Variants in CYP7B1 observed in about 807,000 individuals in gnomAD.
The protein encoded by CYP7B1 is cytochrome P450 7B1.
In CYP7B1, 29 loss-of-function variants were observed where a neutral mutation model predicts 42.7. The ratio of observed to expected loss-of-function variants is 0.68; its 90% CI spans 0.51 to 0.93. The LOEUF is 0.93. Among genes scored for constraint, CYP7B1 ranks in the 40% least tolerant of loss-of-function variants. The pLI, the probability that CYP7B1 is intolerant of heterozygous loss-of-function variation, is 0.00. For synonymous variants in CYP7B1, 235 were observed against 218.2 expected, an observed-to-expected ratio of 1.08 and a Z score of -0.68; for missense variants, 655 against 600.5, an observed-to-expected ratio of 1.09 and a Z score of -0.95.
intron 1 of CYP7B1, among the ~76,000 whole-genome samples, chr8:64,709,024 T>A (rs1451040631): frequency 6.6e-6 from 1 of 152,206 alleles, no homozygotes; most frequent in Admixed American, 6.5e-5. Flanking sequence ...GCAACAGTGA[T>A]CTGACAGGCA....
chr8:64,755,653 C>G (rs1214803080), intron 1 of CYP7B1, among the ~76,000 whole-genome samples: 1 of 151,948 alleles, frequency 6.6e-6, no homozygotes, highest in Non-Finnish European at 1.5e-5. Context: ...AAATTTTTTT[C>G]TGTACAAAGC....
chr8:64,767,804 A>G (rs1030327017), intron 1 of CYP7B1, among the ~76,000 whole-genome samples: 1 of 152,162 alleles, frequency 6.6e-6, no homozygotes, highest in Non-Finnish European at 1.5e-5. Context: ...AAAACTACAA[A>G]TCGTTCTTCA....
intron 1 of CYP7B1, among the ~76,000 whole-genome samples, chr8:64,747,262 A>C (rs1807657775): frequency 6.8e-6 from 1 of 148,140 alleles, no homozygotes; most frequent in Admixed American, 6.8e-5. Context: ...ACGTAGTATA[A>C]GTCATATAGT....
intron 1 of CYP7B1, among the ~76,000 whole-genome samples, chr8:64,769,246 T>A (rs1804175267): frequency 6.6e-6 from 1 of 152,206 alleles, no homozygotes. Context: ...CATGCCTTGA[T>A]GAAAACATCA....
chr8:64,796,768 C>G (rs1804708527), intron 1 of CYP7B1, among the ~76,000 whole-genome samples: 1 of 152,106 alleles, frequency 6.6e-6, no homozygotes, highest in South Asian at 2.1e-4. Flanking sequence ...ATATAAGGTG[C>G]AACACAGGGT....
intron 1 of CYP7B1, among the ~76,000 whole-genome samples, chr8:64,652,893 C>G (rs1349271649): frequency 6.6e-6 from 1 of 151,950 alleles, no homozygotes; most frequent in African/African-American, 2.4e-5. Flanking sequence ...CAACAACATG[C>G]TCCCTTTTGG....
At chr8:64,606,657 A>C (rs1166872568) in intron 4 of CYP7B1, among the ~76,000 whole-genome samples, 1 of 152,206 alleles carries the variant, frequency 6.6e-6, no homozygotes, top group African/African-American at 2.4e-5. Flanking sequence ...GTAGAAGTTA[A>C]TCACAATAAT....
chr8:64,616,398 A>G, intron 2 of CYP7B1, 117 bp from the exon 3 acceptor site: 1 of 713,672 alleles, frequency 1.4e-6, no homozygotes, highest in South Asian at 1.7e-5. Flanking sequence ...AACTAAGGCA[A>G]AAAGTTTAAT....
intron 1 of CYP7B1, among the ~76,000 whole-genome samples, chr8:64,655,455 T>C (rs1806107709): frequency 6.6e-6 from 1 of 151,976 alleles, no homozygotes; most frequent in Admixed American, 6.6e-5. Flanking sequence ...GAAATGAAAA[T>C]CAAAACCGCA....
chr8:64,651,278 A>G (rs1806034320), intron 1 of CYP7B1, among the ~76,000 whole-genome samples: 1 of 152,262 alleles, frequency 6.6e-6, no homozygotes, highest in Non-Finnish European at 1.5e-5. Context: ...GCAGAACTGC[A>G]TGATACACAG....
intron 1 of CYP7B1, among the ~76,000 whole-genome samples, chr8:64,752,395 CGT>C (rs5891973): frequency 0.028 from 4,085 of 147,878 alleles, 60 homozygotes; most frequent in Middle Eastern, 0.035. Context: ...TGTGCATGTG[CGT>C]GTGTGTGTGT....
intron 1 of CYP7B1, among the ~76,000 whole-genome samples, chr8:64,778,174 A>AATATATATATATATATATATATAT (rs60859854): frequency 2.6e-4 from 34 of 133,234 alleles, no homozygotes; most frequent in African/African-American, 7.1e-4. Flanking sequence ...ACTAGTTTGA[A>AATATATATATATATATATATATAT]ATATATATAT....
Position 64,622,138 on chromosome 8 carries a change from A to ATGCATAAAATGCATTATTTGCATAATAC in CYP7B1, c.259+2237_259+2264dup, listed in dbSNP as rs1479429615. ...ATTAAAATACATTATTTGAATAATAATGCATAAAATGCATTATTTGCATAA... is the reference window on the plus strand; with the variant it reads ...ATTAAAATACATTATTTGAATAATAATGCATAAAATGCATTATTTGCATAATACTGCATAAAATGCATTATTTGCATAA... On this transcript the variant is annotated intron_variant, in intron 2 of 5. Transcript: ENST00000310193. Among the ~76,000 whole-genome samples the ATGCATAAAATGCATTATTTGCATAATAC allele has an allele frequency of 1.1e-3, 166 of 151,846 alleles. 3 individuals carry two copies. The highest frequency in any genetic ancestry group is 2.9e-3 in the African/African-American group (118 of 41,226).
chr8:64,678,841 T>A (rs956268768), intron 1 of CYP7B1, among the ~76,000 whole-genome samples: 1 of 151,844 alleles, frequency 6.6e-6, no homozygotes, highest in African/African-American at 2.4e-5. Flanking sequence ...ATTGGAACTC[T>A]TGTGGAATTT....
At chr8:64,634,967 G>C (rs1022176572) in intron 1 of CYP7B1, among the ~76,000 whole-genome samples, 3 of 152,164 alleles carry the variant, frequency 2.0e-5, no homozygotes, top group Non-Finnish European at 4.4e-5. Context: ...AGGGAGAAAG[G>C]CTTTTCACAG....
intron 1 of CYP7B1, among the ~76,000 whole-genome samples, chr8:64,662,911 C>T (rs1806220151): frequency 6.6e-6 from 1 of 152,198 alleles, no homozygotes; most frequent in African/African-American, 2.4e-5. Context: ...TTTCCTATAG[C>T]CTGACCTCTG....
rs751791001 is a variant in CYP7B1 at position 64,615,034 on chromosome 8, A to G, written c.1049T>C (p.Ile350Thr). ...AGATAAAAATAAATTACCTAGGCAG[A>G]TTAGGCTGTCCAATTGTTCTCTGGT... is the stretch of plus-strand genomic sequence containing the variant. ...HLTREQLDSL[I>T]CLESSIFEAL... is the part of the protein sequence containing the mutation. The change falls in exon 4 of 6, where the codon ATC (isoleucine) becomes ACC (threonine). Residue 350 changes from isoleucine to threonine, a missense_variant. Physicochemically the swap from Ile to Thr is moderately conservative, Grantham distance 89 (BLOSUM62 -1). Coordinates refer to ENST00000310193, the MANE Select transcript of CYP7B1 (RefSeq NM_004820.5). 1 of 1,613,630 alleles carries G rather than the reference A, an allele frequency of 6.2e-7. No individual in the cohort carries two copies. Among genetic ancestry groups the G allele is most frequent in the Admixed American group, 1.7e-5 (1 of 59,950 alleles).
chr8:64,650,028 G>C (rs1806014523), intron 1 of CYP7B1, among the ~76,000 whole-genome samples: 1 of 151,944 alleles, frequency 6.6e-6, no homozygotes, highest in Non-Finnish European at 1.5e-5. Context: ...ACTGTTGATT[G>C]TTTCCTTTGA....
At position 64,596,485 on chromosome 8, in the gene CYP7B1, G is replaced by A; in HGVS notation, c.*157C>T. The A allele has an allele frequency of 1.4e-6, 1 of 732,702 alleles. No individual in the cohort carries two copies. Among genetic ancestry groups the A allele is most frequent in the Non-Finnish European group, 2.1e-6 (1 of 466,010 alleles). 45.4% of individuals were successfully genotyped at this position (732,702 alleles called of 1,614,324 possible). A position where few individuals can be genotyped will look rare whatever the true frequency, so the allele number is the denominator to read the frequency against. ...CCTGTTTTATATTATGATGGGCTTT[G>A]TGACTAAGGACAAACTGGACTGATA... On this transcript the variant is annotated 3_prime_UTR_variant, in exon 6 of 6. Transcript: ENST00000310193.
Sources: allele counts gnomAD v4.1 joint callset (sites outside exome capture counted in the v4.1 genomes callset), GRCh38; gene constraint gnomAD v4.1.1; transcripts MANE v1.5; gene names NCBI Gene and HGNC (gene_info 2026-07-23, HGNC 2026-07-21).